The following GALNTL6 variants were observed in gnomAD, a reference collection of about 807,000 sequenced individuals.
GALNTL6 encodes polypeptide N-acetylgalactosaminyltransferase-like 6.
GALNTL6 carries 46 observed loss-of-function variants against 73.7 expected under a neutral mutation model. The ratio of observed to expected loss-of-function variants is 0.62; its 90% CI spans 0.49 to 0.80. The LOEUF (loss-of-function observed/expected upper bound fraction) is 0.80. Among genes scored for constraint, GALNTL6 ranks in the 30% least tolerant of loss-of-function variants. The probability of loss-of-function intolerance (pLI) is 0.00; values close to 1 mark genes in which losing one functional copy is unlikely to be tolerated. For missense variants in GALNTL6, 604 were observed against 755.0 expected (o/e 0.80, Z 2.34); for synonymous variants, 259 against 263.7 (o/e 0.98, Z 0.17).
intron 2 of GALNTL6, among the ~76,000 whole-genome samples, chr4:171,824,077 TTATA>T (rs3080307): frequency 0.011 from 1,419 of 129,160 alleles, 13 homozygotes; most frequent in African/African-American, 0.016. Context: ...CAAATCCATT[TTATA>T]TATATATATA....
At chr4:172,987,296 C>T (rs1041433535) in intron 10 of GALNTL6, among the ~76,000 whole-genome samples, 1 of 152,074 alleles carries the variant, frequency 6.6e-6, no homozygotes, top group African/African-American at 2.4e-5. Context: ...TCCTTATTCA[C>T]ATGGTGGCAG....
intron 5 of GALNTL6, among the ~76,000 whole-genome samples, chr4:172,696,365 T>C (rs2111274018): frequency 6.6e-6 from 1 of 152,362 alleles, no homozygotes; most frequent in South Asian, 2.1e-4. Flanking sequence ...TTTGTTCCCA[T>C]AAAAGATATC....
intron 2 of GALNTL6, among the ~76,000 whole-genome samples, chr4:171,932,313 C>T (rs1228385522): frequency 6.6e-6 from 1 of 152,168 alleles, no homozygotes; most frequent in Admixed American, 6.5e-5. Flanking sequence ...AATGAAGTTA[C>T]AATACATAAC....
intron 5 of GALNTL6, among the ~76,000 whole-genome samples, chr4:172,354,315 C>A (rs1440083083): frequency 2.0e-5 from 3 of 151,974 alleles, no homozygotes; most frequent in African/African-American, 7.2e-5. Context: ...AATATCAAAC[C>A]AAATACTGTT....
chr4:172,466,773 C>A (rs184785481), intron 5 of GALNTL6, among the ~76,000 whole-genome samples: 57 of 152,248 alleles, frequency 3.7e-4, no homozygotes, highest in African/African-American at 1.2e-3. Context: ...AGGTAATTTT[C>A]TTTTAAAAAT....
intron 5 of GALNTL6, among the ~76,000 whole-genome samples, chr4:172,476,315 A>G (rs1425616245): frequency 1.3e-5 from 2 of 152,164 alleles, no homozygotes; most frequent in African/African-American, 4.8e-5. Flanking sequence ...CAAAGGCACT[A>G]ATTGCATTCA....
At chr4:172,704,042 C>T (rs1734183434) in intron 5 of GALNTL6, among the ~76,000 whole-genome samples, 2 of 151,854 alleles carry the variant, frequency 1.3e-5, no homozygotes, top group African/African-American at 4.8e-5. Context: ...GTTGTAATGT[C>T]ACCTTTTTAA....
chr4:172,320,317 G>T (rs1740713659), intron 4 of GALNTL6, among the ~76,000 whole-genome samples: 1 of 152,102 alleles, frequency 6.6e-6, no homozygotes, highest in Non-Finnish European at 1.5e-5. Context: ...CTAGAGCAGG[G>T]TGTCTTTCCA....
At chr4:172,807,237 C>T (rs1741017428) in intron 5 of GALNTL6, among the ~76,000 whole-genome samples, 1 of 152,146 alleles carries the variant, frequency 6.6e-6, no homozygotes, top group East Asian at 1.9e-4. Context: ...GTAGAACTTG[C>T]CTCCTGGTTG....
intron 7 of GALNTL6, among the ~76,000 whole-genome samples, chr4:172,821,705 C>CCTAATCTA (rs201281935): frequency 0.013 from 2,006 of 152,236 alleles, 41 homozygotes; most frequent in African/African-American, 0.045. Flanking sequence ...TAAATGGTGT[C>CCTAATCTA]CTAATCTACA....
chr4:172,499,473 C>G (rs974460086), intron 5 of GALNTL6, among the ~76,000 whole-genome samples: 1 of 152,212 alleles, frequency 6.6e-6, no homozygotes, highest in Admixed American at 6.5e-5. Flanking sequence ...GCTACACAGT[C>G]TATGGCATTT....
intron 10 of GALNTL6, among the ~76,000 whole-genome samples, chr4:172,970,488 C>T (rs1392385402): frequency 1.3e-5 from 2 of 152,154 alleles, no homozygotes; most frequent in African/African-American, 4.8e-5. Context: ...ATATTCCTTG[C>T]TAGGAGAAGA....
chr4:172,728,296 C>T (rs889110337), intron 5 of GALNTL6, among the ~76,000 whole-genome samples: 1 of 152,118 alleles, frequency 6.6e-6, no homozygotes. Context: ...TCCTGGCCTC[C>T]GATAACCACC....
intron 7 of GALNTL6, 77 bp downstream of exon 7, chr4:172,813,800 G>A: frequency 9.0e-7 from 1 of 1,105,284 alleles, no homozygotes; most frequent in Non-Finnish European, 1.3e-6. Context: ...GGCTCAAGAA[G>A]ACAATTATCT....
chr4:172,503,653 G>A (rs1579136768), intron 5 of GALNTL6, among the ~76,000 whole-genome samples: 1 of 150,252 alleles, frequency 6.7e-6, no homozygotes, highest in East Asian at 2.0e-4. Flanking sequence ...CACTACTATG[G>A]AATTTACAAA....
At chr4:172,017,501 G>A (rs987423772) in intron 2 of GALNTL6, among the ~76,000 whole-genome samples, 3 of 152,066 alleles carry the variant, frequency 2.0e-5, no homozygotes, top group African/African-American at 7.2e-5. Flanking sequence ...TGTGTCTGCA[G>A]TACAGTGCCA....
intron 5 of GALNTL6, among the ~76,000 whole-genome samples, chr4:172,546,936 G>A (rs75664962): frequency 0.021 from 3,192 of 150,550 alleles, 111 homozygotes; most frequent in African/African-American, 0.072. Flanking sequence ...TCACCCATCC[G>A]TGACCAGAGC....
chr4:172,650,303 G>A (rs1209352077), intron 5 of GALNTL6, among the ~76,000 whole-genome samples: 1 of 152,056 alleles, frequency 6.6e-6, no homozygotes, highest in Non-Finnish European at 1.5e-5. Context: ...CTTGAGTTTT[G>A]TATAAGAAGA....
chr4:171,982,345 T>A (rs1047638627), intron 2 of GALNTL6, among the ~76,000 whole-genome samples: 1 of 152,194 alleles, frequency 6.6e-6, no homozygotes, highest in Non-Finnish European at 1.5e-5. Flanking sequence ...TCACCCAGGC[T>A]GGAGTGCAGT....
Sources: allele counts gnomAD v4.1 joint callset (sites outside exome capture counted in the v4.1 genomes callset), GRCh38; gene constraint gnomAD v4.1.1; transcripts MANE v1.5; gene names NCBI Gene and HGNC (gene_info 2026-07-23, HGNC 2026-07-21).